MAGI2: variants seen among roughly 807,000 people sequenced by gnomAD.
MAGI2 encodes membrane associated guanylate kinase, WW and PDZ domain containing 2.
A neutral mutation model predicts 133.3 loss-of-function variants in MAGI2; 35 were observed. That is an observed-to-expected ratio of 0.26 (90% CI 0.20 to 0.35). The LOEUF is 0.35. Ranked by LOEUF, MAGI2 falls within the 10% of genes least tolerant of loss-of-function variation. The pLI, the probability that MAGI2 is intolerant of heterozygous loss-of-function variation, is 1.00. For missense variants in MAGI2, 1,636 were observed against 1,863.4 expected, an observed-to-expected ratio of 0.88 and a Z score of 2.25; for synonymous variants, 729 against 710.6, an observed-to-expected ratio of 1.03 and a Z score of -0.41.
At chr7:78,155,172 A>G (rs1824268531) in intron 16 of MAGI2, among the ~76,000 whole-genome samples, 1 of 152,214 alleles carries the variant, frequency 6.6e-6, no homozygotes, top group Non-Finnish European at 1.5e-5. Context: ...GAAATTGCCT[A>G]TTACAGTTTA....
At chr7:78,417,730 T>A (rs1354848270) in intron 6 of MAGI2, among the ~76,000 whole-genome samples, 1 of 152,172 alleles carries the variant, frequency 6.6e-6, no homozygotes, top group East Asian at 1.9e-4. Flanking sequence ...CTTATTTTAA[T>A]GATTAAGAAA....
rs530300417 is a variant in MAGI2, at chr7:78,700,979, T to C, written c.419-73740A>G. Reference sequence around the variant, plus strand: ...CATATAATTTAAATATATGAAAGTATATTATAAATAAAATATTAAATTTTA... The same window carrying C: ...CATATAATTTAAATATATGAAAGTACATTATAAATAAAATATTAAATTTTA... On this transcript the variant is annotated intron_variant, in intron 2 of 21. Transcript: ENST00000354212. 1.1e-4 allele frequency among the ~76,000 whole-genome samples: 17 copies of C among 150,504 alleles called. No individual in the cohort carries two copies. In the East Asian group the frequency reaches 2.5e-3, roughly 22 times the overall value.
intron 2 of MAGI2, among the ~76,000 whole-genome samples, chr7:78,744,602 T>C (rs1822752704): frequency 6.6e-6 from 1 of 152,190 alleles, no homozygotes; most frequent in Admixed American, 6.6e-5. Context: ...TGCTGGGAAC[T>C]TTGCATGAGT....
intron 2 of MAGI2, among the ~76,000 whole-genome samples, chr7:78,706,971 C>T (rs1389956808): frequency 1.3e-5 from 2 of 152,048 alleles, no homozygotes; most frequent in Non-Finnish European, 2.9e-5. Context: ...TGACTTGGCC[C>T]TCCAGAAGTA....
chr7:79,019,243 G>C (rs1164968295), intron 1 of MAGI2, among the ~76,000 whole-genome samples: 1 of 152,168 alleles, frequency 6.6e-6, no homozygotes, highest in Non-Finnish European at 1.5e-5. Flanking sequence ...ATCTCACCTT[G>C]AATTGTAACA....
chr7:78,834,895 C>A (rs1928912), intron 2 of MAGI2, among the ~76,000 whole-genome samples: 2 of 151,892 alleles, frequency 1.3e-5, no homozygotes, highest in Non-Finnish European at 2.9e-5. Context: ...CCTGCTTTCA[C>A]CGTGTGAGAT....
At chr7:78,652,124 C>A (rs188566030) in intron 2 of MAGI2, among the ~76,000 whole-genome samples, 11 of 152,190 alleles carry the variant, frequency 7.2e-5, no homozygotes, top group Admixed American at 3.3e-4. Flanking sequence ...GAGATATTTA[C>A]CCTCAAACGG....
intron 2 of MAGI2, among the ~76,000 whole-genome samples, chr7:78,644,670 A>T (rs967735492): frequency 2.6e-5 from 4 of 152,306 alleles, no homozygotes; most frequent in African/African-American, 9.6e-5. Context: ...AGAAATGTTT[A>T]ACTCGAAATA....
At chr7:78,848,473 T>C (rs1584135262) in intron 2 of MAGI2, among the ~76,000 whole-genome samples, 1 of 152,010 alleles carries the variant, frequency 6.6e-6, no homozygotes, top group Non-Finnish European at 1.5e-5. Context: ...CAAACAAATA[T>C]ACATTTTAAA....
intron 1 of MAGI2, among the ~76,000 whole-genome samples, chr7:79,180,784 G>A (rs562675198): frequency 2.0e-5 from 3 of 152,132 alleles, no homozygotes; most frequent in East Asian, 3.9e-4. Context: ...CTATAAGCCT[G>A]TAAAATCAGA....
chr7:78,354,242 A>G (rs906901602), intron 7 of MAGI2, among the ~76,000 whole-genome samples: 1 of 152,196 alleles, frequency 6.6e-6, no homozygotes, highest in Non-Finnish European at 1.5e-5. Context: ...AACATACTCT[A>G]TGTTGAACTG....
intron 2 of MAGI2, among the ~76,000 whole-genome samples, chr7:78,764,790 C>G (rs1191099962): frequency 1.3e-5 from 2 of 152,182 alleles, no homozygotes; most frequent in Non-Finnish European, 2.9e-5. Context: ...AAGCTTCGTG[C>G]TATGTTATGC....
intron 2 of MAGI2, among the ~76,000 whole-genome samples, chr7:78,812,213 C>T (rs1206862680): frequency 6.6e-6 from 1 of 152,022 alleles, no homozygotes; most frequent in East Asian, 1.9e-4. Flanking sequence ...AACTACAGAC[C>T]TGTAAGATAA....
chr7:78,222,712 G>A (rs1399338575), intron 10 of MAGI2, among the ~76,000 whole-genome samples: 3 of 152,180 alleles, frequency 2.0e-5, no homozygotes, highest in Non-Finnish European at 2.9e-5. Context: ...TTTATGTAGA[G>A]TCCAAGCTTT....
chr7:78,200,491 C>A (rs1005851366), intron 11 of MAGI2, among the ~76,000 whole-genome samples: 28 of 152,226 alleles, frequency 1.8e-4, no homozygotes, highest in Admixed American at 3.3e-4. Context: ...GAAGAAGATT[C>A]AGAAGCACCA....
At chr7:78,022,799 C>T (rs1306449496) in intron 21 of MAGI2, among the ~76,000 whole-genome samples, 1 of 152,166 alleles carries the variant, frequency 6.6e-6, no homozygotes, top group African/African-American at 2.4e-5. Flanking sequence ...TTTTCTTTCC[C>T]TCCTCCAGTG....
chr7:79,150,696 C>T (rs1823130116), intron 1 of MAGI2, among the ~76,000 whole-genome samples: 6 of 151,706 alleles, frequency 4.0e-5, no homozygotes, highest in Admixed American at 3.9e-4. Context: ...ATCAGGTGGG[C>T]CATAATTCAA....
At chr7:78,275,351 C>T (rs554184316) in intron 9 of MAGI2, among the ~76,000 whole-genome samples, 15 of 152,328 alleles carry the variant, frequency 9.8e-5, no homozygotes, top group South Asian at 2.1e-4. Context: ...GCCTCGATCT[C>T]GCTGGGAGCT....
At chr7:78,936,466 T>A (rs534892936) in intron 2 of MAGI2, among the ~76,000 whole-genome samples, 1 of 151,848 alleles carries the variant, frequency 6.6e-6, no homozygotes, top group East Asian at 1.9e-4. Flanking sequence ...CGTTGTAAAA[T>A]GAAAAATAAG....
Sources: gnomAD v4.1 joint callset for allele counts (sites outside exome capture counted in the v4.1 genomes callset) on GRCh38, gnomAD v4.1.1 for gene constraint, MANE v1.5 for transcripts, NCBI Gene and HGNC (gene_info 2026-07-23, HGNC 2026-07-21) for gene names.